The following IMMP2L variants were observed in gnomAD, a reference collection of about 807,000 sequenced individuals.
IMMP2L encodes the protein mitochondrial inner membrane protease subunit 2.
In IMMP2L, 18 loss-of-function variants were observed where a neutral mutation model predicts 19.3. That is an observed-to-expected ratio of 0.93 (90% CI 0.64 to 1.38). IMMP2L has a LOEUF of 1.38. IMMP2L is among the 40% of genes most tolerant of loss of function. The pLI is 0.00. For missense variants in IMMP2L, 233 were observed against 218.2 expected, an observed-to-expected ratio of 1.07 and a Z score of -0.43; for synonymous variants, 76 against 73.0, an observed-to-expected ratio of 1.04 and a Z score of -0.21.
chr7:111,155,685 TAC>T (rs986612364), intron 3 of IMMP2L, among the ~76,000 whole-genome samples: 1 of 151,516 alleles, frequency 6.6e-6, no homozygotes, highest in Non-Finnish European at 1.5e-5. Flanking sequence ...TATATATATA[TAC>T]ACACACACAG....
At chr7:111,061,558 T>C (rs1005048489) in intron 3 of IMMP2L, among the ~76,000 whole-genome samples, 7 of 152,142 alleles carry the variant, frequency 4.6e-5, no homozygotes, top group African/African-American at 1.7e-4. Context: ...ATTCCTCATC[T>C]GCACCTCCTA....
In IMMP2L at chr7:110,735,051, C is replaced by A. The variant is rs138778643; in HGVS notation, c.409-71330G>T. Among the ~76,000 whole-genome samples, 156 of 152,274 alleles carry A rather than the reference C, an allele frequency of 1.0e-3. 1 individual carries two copies. Among genetic ancestry groups the A allele is most frequent in the African/African-American group, 3.6e-3 (150 of 41,572 alleles). On this transcript the variant is annotated intron_variant, in intron 5 of 5. Coordinates refer to ENST00000405709, the MANE Select transcript of IMMP2L (RefSeq NM_032549.4). ...ACTGCATAAATTCCACATGTGATAACTGACACTTACATAGCCAGCTCGGGA... is the reference window on the plus strand; with the variant it reads ...ACTGCATAAATTCCACATGTGATAAATGACACTTACATAGCCAGCTCGGGA...
chr7:111,283,544 T>C (rs971598141), intron 3 of IMMP2L, among the ~76,000 whole-genome samples: 1 of 152,028 alleles, frequency 6.6e-6, no homozygotes, highest in Non-Finnish European at 1.5e-5. Context: ...ATGTAGGGTA[T>C]GTGGTAGGAG....
chr7:111,169,594 G>A (rs79827710), intron 3 of IMMP2L, among the ~76,000 whole-genome samples: 9,623 of 151,744 alleles, frequency 0.063, 614 homozygotes, highest in African/African-American at 0.16. Flanking sequence ...TTGCAGTATC[G>A]TAACTCCAAT....
intron 3 of IMMP2L, among the ~76,000 whole-genome samples, chr7:111,260,623 T>G (rs1817215501): frequency 6.6e-6 from 1 of 152,184 alleles, no homozygotes; most frequent in South Asian, 2.1e-4. Flanking sequence ...ACAATATTCT[T>G]ATACACTTCA....
rs950052864 is a variant in IMMP2L, at chr7:111,362,565, T to C, written c.239+124673A>G. The stretch of plus-strand genomic sequence containing the variant: ...GGATGTTTTGTTATGGCAATGTTAC[T>C]AAATCCTTCAAAATCACATAGCTTA... On this transcript the variant is annotated intron_variant, in intron 3 of 5. Coordinates refer to ENST00000405709, the MANE Select transcript of IMMP2L (RefSeq NM_032549.4). Among the ~76,000 whole-genome samples the C allele has an allele frequency of 4.6e-5, 7 of 152,162 alleles. 1 individual carries two copies. Among genetic ancestry groups the C allele is most frequent in the Admixed American group, 1.3e-4 (2 of 15,240 alleles).
At chr7:111,153,547 T>C (rs907204346) in intron 3 of IMMP2L, among the ~76,000 whole-genome samples, 5 of 152,062 alleles carry the variant, frequency 3.3e-5, no homozygotes, top group Admixed American at 3.3e-4. Context: ...TGTATAAACC[T>C]ACTCTTGACT....
chr7:111,086,153 A>T (rs569870633), intron 3 of IMMP2L, among the ~76,000 whole-genome samples: 1 of 152,056 alleles, frequency 6.6e-6, no homozygotes, highest in African/African-American at 2.4e-5. Context: ...GTGGACTGGT[A>T]CTGTGGCTCA....
intron 3 of IMMP2L, among the ~76,000 whole-genome samples, chr7:111,111,658 TC>T (rs983456033): frequency 1.3e-5 from 2 of 151,266 alleles, no homozygotes; most frequent in African/African-American, 2.4e-5. Flanking sequence ...TCAACTAATG[TC>T]CCCCCCTGCG....
At chr7:110,967,375 T>C (rs552782050) in intron 3 of IMMP2L, among the ~76,000 whole-genome samples, 1 of 152,138 alleles carries the variant, frequency 6.6e-6, no homozygotes, top group South Asian at 2.1e-4. Context: ...TTAGCATATG[T>C]CCCACCTTCT....
chr7:110,830,218 G>C (rs758721276), intron 5 of IMMP2L, among the ~76,000 whole-genome samples: 3 of 152,130 alleles, frequency 2.0e-5, no homozygotes, highest in Admixed American at 6.6e-5. Flanking sequence ...GAGAAGTTGA[G>C]GGAATTGATG....
chr7:111,048,058 T>C (rs1262202357), intron 3 of IMMP2L, among the ~76,000 whole-genome samples: 1 of 151,292 alleles, frequency 6.6e-6, no homozygotes, highest in Non-Finnish European at 1.5e-5. Flanking sequence ...GCTAACACGG[T>C]GAAACCCCGT....
intron 3 of IMMP2L, among the ~76,000 whole-genome samples, chr7:111,445,908 T>A (rs1198554236): frequency 6.6e-6 from 1 of 151,750 alleles, no homozygotes; most frequent in East Asian, 1.9e-4. Context: ...GCGCAAGGGG[T>A]CAGGGAGTTC....
In IMMP2L at chr7:111,123,929, T is replaced by C. The variant is rs1426169139; in HGVS notation, c.240-160364A>G. 2 of 1,613,974 alleles carry C rather than the reference T, an allele frequency of 1.2e-6. No individual in the cohort carries two copies. Among genetic ancestry groups the C allele is most frequent in the South Asian group, 2.2e-5 (2 of 91,074 alleles). On this transcript the variant is annotated intron_variant, in intron 3 of 5. Coordinates refer to ENST00000405709, the MANE Select transcript of IMMP2L (RefSeq NM_032549.4). This position sits in a 1 kb window ranked among gnomAD's most constrained non-coding sequence, Gnocchi z 6.4. ...TGGATGAACATGAACAAAACCAACA[T>C]TCGATTCATGGAGCCAGATTCACTG... is the stretch of plus-strand genomic sequence containing the variant.
At chr7:111,070,344 T>C (rs564448484) in intron 3 of IMMP2L, among the ~76,000 whole-genome samples, 23 of 152,308 alleles carry the variant, frequency 1.5e-4, no homozygotes, top group African/African-American at 4.3e-4. Context: ...GCATACTGTA[T>C]GGCTGCACTG....
At chr7:110,931,406 C>G (rs1376250774) in intron 4 of IMMP2L, among the ~76,000 whole-genome samples, 1 of 152,096 alleles carries the variant, frequency 6.6e-6, no homozygotes, top group African/African-American at 2.4e-5. Flanking sequence ...CTAACTTGTT[C>G]TCCTCTCTAC....
At chr7:111,498,268 A>T (rs1377600128) in intron 2 of IMMP2L, among the ~76,000 whole-genome samples, 1 of 152,148 alleles carries the variant, frequency 6.6e-6, no homozygotes, top group African/African-American at 2.4e-5. Context: ...ATGTTTTGAG[A>T]TAGCTATTCT....
chr7:110,756,633 T>C (rs112871263), intron 5 of IMMP2L, among the ~76,000 whole-genome samples: 187 of 152,272 alleles, frequency 1.2e-3, no homozygotes, highest in Admixed American at 2.4e-3. Context: ...TAGGTTCATG[T>C]CAGGGAAATA....
intron 3 of IMMP2L, among the ~76,000 whole-genome samples, chr7:111,114,501 T>A (rs1243806605): frequency 6.6e-6 from 1 of 151,736 alleles, no homozygotes; most frequent in African/African-American, 2.4e-5. Flanking sequence ...ACTTTGTGAG[T>A]TCAAGGAGGG....
Sources: allele counts gnomAD v4.1 joint callset (sites outside exome capture counted in the v4.1 genomes callset), GRCh38; gene constraint gnomAD v4.1.1; non-coding constraint Gnocchi (gnomAD v3.1); transcripts MANE v1.5; gene names NCBI Gene and HGNC (gene_info 2026-07-23, HGNC 2026-07-21).